Variants in DLGAP2 observed in about 807,000 individuals in gnomAD.
The protein encoded by DLGAP2 is DLG associated protein 2.
In DLGAP2, 26 loss-of-function variants were observed where a neutral mutation model predicts 100.3. The ratio of observed to expected loss-of-function variants is 0.26; its 90% CI spans 0.19 to 0.36. The LOEUF is 0.36. Ranked by LOEUF, DLGAP2 falls within the 10% of genes least tolerant of loss-of-function variation. The probability of loss-of-function intolerance (pLI) is 1.00; values close to 1 mark genes in which losing one functional copy is unlikely to be tolerated. For missense variants in DLGAP2, 1,858 were observed against 1,453.2 expected (o/e 1.28, Z -4.53); for synonymous variants, 886 against 630.1 (o/e 1.41, Z -6.08).
intron 3 of DLGAP2, among the ~76,000 whole-genome samples, chr8:1,352,202 C>CG (rs1801748168): frequency 1.1e-5 from 1 of 91,288 alleles, no homozygotes; most frequent in African/African-American, 4.0e-5. Context: ...CGGGTCCTGA[C>CG]TGTGTGTGGA....
intron 1 of DLGAP2, among the ~76,000 whole-genome samples, chr8:866,290 TGA>T (rs1563070698): frequency 2.0e-5 from 3 of 152,194 alleles, no homozygotes; most frequent in African/African-American, 7.2e-5. Context: ...CAAGGGGCCC[TGA>T]TTCCCCCTTC....
chr8:904,121 G>T (rs1304809706), intron 1 of DLGAP2, among the ~76,000 whole-genome samples: 1 of 152,238 alleles, frequency 6.6e-6, no homozygotes, highest in African/African-American at 2.4e-5. Flanking sequence ...GACATCCACT[G>T]CATATGACGA....
chr8:863,904 C>T (rs933918924), intron 1 of DLGAP2, among the ~76,000 whole-genome samples: 1 of 152,114 alleles, frequency 6.6e-6, no homozygotes. Flanking sequence ...GAATCGGCCC[C>T]CAGGTCCATT....
intron 5 of DLGAP2, among the ~76,000 whole-genome samples, chr8:1,550,626 C>G (rs1044446503): frequency 2.6e-5 from 4 of 152,182 alleles, no homozygotes; most frequent in African/African-American, 9.6e-5. Context: ...ATGGAAAAGG[C>G]CTCTGTGTCT....
intron 3 of DLGAP2, among the ~76,000 whole-genome samples, chr8:1,457,568 A>T (rs1461954332): frequency 6.6e-6 from 1 of 152,226 alleles, no homozygotes; most frequent in Admixed American, 6.5e-5. Context: ...GATAAGACAG[A>T]TGGTTCTTCG....
chr8:1,081,710 T>C (rs976710828), intron 2 of DLGAP2, among the ~76,000 whole-genome samples: 1 of 152,218 alleles, frequency 6.6e-6, no homozygotes. Flanking sequence ...TTCTGTTCTT[T>C]CATGATTTAT....
chr8:1,272,076 A>G (rs1799595187), intron 3 of DLGAP2, among the ~76,000 whole-genome samples: 2 of 152,192 alleles, frequency 1.3e-5, no homozygotes, highest in South Asian at 4.1e-4. Context: ...TCAGGCTCCC[A>G]AAATGCTGGA....
rs1363039107 is a variant in DLGAP2 at position 1,008,905 on chromosome 8, C to T, written c.73+100939C>T. Among the ~76,000 whole-genome samples the T allele has an allele frequency of 3.3e-5, 5 of 152,250 alleles. No individual in the cohort carries two copies. The East Asian group carries it at 9.6e-4, about 29-fold the overall frequency. On this transcript the variant is annotated intron_variant, in intron 2 of 14. Transcript: ENST00000637795. ...AGACCACATGGCCCCTTCTGACACCCAGATGCAACCCTGTGAGGAGCTGGA... is the reference window on the plus strand; with the variant it reads ...AGACCACATGGCCCCTTCTGACACCTAGATGCAACCCTGTGAGGAGCTGGA...
intron 1 of DLGAP2, among the ~76,000 whole-genome samples, chr8:818,923 A>G (rs1416609495): frequency 6.6e-6 from 1 of 152,234 alleles, no homozygotes; most frequent in Non-Finnish European, 1.5e-5. Context: ...TTAATGGAGC[A>G]GTAACCATGG....
chr8:817,014 G>T (rs971219895), intron 1 of DLGAP2, among the ~76,000 whole-genome samples: 1 of 151,962 alleles, frequency 6.6e-6, no homozygotes, highest in East Asian at 1.9e-4. Context: ...GGTGGTGGGC[G>T]CCTGTAGTCC....
At chr8:1,594,552 A>G (rs2130683143) in intron 6 of DLGAP2, among the ~76,000 whole-genome samples, 1 of 152,184 alleles carries the variant, frequency 6.6e-6, no homozygotes, top group Non-Finnish European at 1.5e-5. Context: ...AGGACAGCAA[A>G]AAATAGCAAT....
chr8:1,253,257 C>T (rs759355122), intron 2 of DLGAP2, among the ~76,000 whole-genome samples: 2 of 152,208 alleles, frequency 1.3e-5, no homozygotes, highest in Non-Finnish European at 2.9e-5. Context: ...AGGGCTGCAG[C>T]CGCTGGGTGG....
chr8:1,422,583 G>A (rs929908588), intron 3 of DLGAP2, among the ~76,000 whole-genome samples: 4 of 151,190 alleles, frequency 2.6e-5, no homozygotes, highest in Non-Finnish European at 4.4e-5. Context: ...AAAAAGGTGT[G>A]GGTGGAACAG....
chr8:1,489,503 C>T (rs917236563), intron 3 of DLGAP2, among the ~76,000 whole-genome samples: 2 of 152,172 alleles, frequency 1.3e-5, no homozygotes, highest in Admixed American at 1.3e-4. Flanking sequence ...TCATTCCAGG[C>T]CATCTCATTC....
intron 2 of DLGAP2, among the ~76,000 whole-genome samples, chr8:1,231,346 G>C (rs1027772550): frequency 6.6e-6 from 1 of 152,182 alleles, no homozygotes; most frequent in Non-Finnish European, 1.5e-5. Flanking sequence ...AACAGATGCT[G>C]GTGAGGGTGC....
At chr8:1,286,063 G>C (rs1344394917) in intron 3 of DLGAP2, among the ~76,000 whole-genome samples, 2 of 152,216 alleles carry the variant, frequency 1.3e-5, no homozygotes, top group Non-Finnish European at 2.9e-5. Context: ...ATCTCACCTT[G>C]AGTTGTAGTA....
Position 842,047 on chromosome 8 carries a change from C to T in DLGAP2, c.19-65865C>T, listed in dbSNP as rs541266413. The stretch of plus-strand genomic sequence containing the variant: ...ACCTTTCTCACATGCTCCCCTGTGT[C>T]CTGCATTTTTAATGCCATAATATAT... On this transcript the variant is annotated intron_variant, in intron 1 of 14. Transcript: ENST00000637795. 5.9e-5 allele frequency among the ~76,000 whole-genome samples: 9 copies of T among 152,236 alleles called. No individual in the cohort carries two copies. In the South Asian group the frequency reaches 1.9e-3, roughly 32 times the overall value.
chr8:1,669,828 C>G (rs576547798), intron 10 of DLGAP2, 44 bp downstream of exon 10: 10 of 780,888 alleles, frequency 1.3e-5, no homozygotes, highest in East Asian at 7.3e-5. Flanking sequence ...GCATGACTTT[C>G]ATTTTCTCTC....
intron 1 of DLGAP2, among the ~76,000 whole-genome samples, chr8:781,035 T>C (rs549559959): frequency 6.6e-6 from 1 of 152,252 alleles, no homozygotes; most frequent in Non-Finnish European, 1.5e-5. Context: ...ATGCATTTTG[T>C]AGCTTTGTTT....
Sources: gnomAD v4.1 joint callset for allele counts (sites outside exome capture counted in the v4.1 genomes callset) on GRCh38, gnomAD v4.1.1 for gene constraint, MANE v1.5 for transcripts, NCBI Gene and HGNC (gene_info 2026-07-23, HGNC 2026-07-21) for gene names.